GRIN2D: variants seen among roughly 807,000 people sequenced by gnomAD.
GRIN2D encodes the protein glutamate ionotropic receptor NMDA type subunit 2D.
Under a neutral mutation model 103.2 loss-of-function variants are expected in GRIN2D, and 37 were observed. The ratio of observed to expected loss-of-function variants is 0.36; its 90% CI spans 0.28 to 0.47. GRIN2D has a LOEUF of 0.47. Ranked by LOEUF, GRIN2D falls within the 20% of genes least tolerant of loss-of-function variation. The pLI is 1.00. For missense variants in GRIN2D, 1,557 were observed against 1,910.6 expected (o/e 0.81, Z 3.45); for synonymous variants, 845 against 885.6 (o/e 0.95, Z 0.81).
At position 48,405,378 on chromosome 19, in the gene GRIN2D, G is replaced by T; in HGVS notation, c.1085+25G>T. On this transcript the variant is annotated intron_variant, in intron 4 of 13. Coordinates refer to ENST00000263269, the MANE Select transcript of GRIN2D (RefSeq NM_000836.4). This position sits in a 1 kb window ranked among gnomAD's most constrained non-coding sequence, Gnocchi z 5.1. ...GGTGAGTGGGGCTGGAATGGGAGGG[G>T]TGTGGGAGGGCTCCCAGAGCCTAAC... The T allele has an allele frequency of 2.0e-6, 3 of 1,521,184 alleles. No individual in the cohort carries two copies. In the South Asian group the frequency reaches 3.8e-5, roughly 19 times the overall value. The allele number at this position is 1,521,184 out of a possible 1,614,324, so 94.2% of individuals were successfully genotyped here.
chr19:48,414,420 G>C lies in GRIN2D; in HGVS notation c.1248G>C (p.Trp416Cys). 1 of 1,610,236 alleles carries C rather than the reference G, an allele frequency of 6.2e-7. No homozygotes were observed. The highest frequency in any genetic ancestry group is 2.2e-5 in the East Asian group (1 of 44,776). The part of the protein sequence containing the change: ...QQTLRLKYPL[W>C]SRYGRFLQPV... ...CGCTCCGCCTCAAGTACCCGCTGTG[G>C]TCCCGCTATGGTCGCTTCCTGCAGC... The change falls in exon 6 of 14, where the codon TGG becomes TGC. Residue 416 changes from tryptophan (W) to cysteine (C), a missense_variant. Physicochemically the swap from Trp to Cys is radical, Grantham distance 215 (BLOSUM62 -2). Transcript: ENST00000263269. This position sits in a 1 kb window ranked among gnomAD's most constrained non-coding sequence, Gnocchi z 4.6.
At chr19:48,409,106 A>G (rs985828703) in intron 4 of GRIN2D, among the ~76,000 whole-genome samples, 6 of 151,996 alleles carry the variant, frequency 3.9e-5, no homozygotes, top group Non-Finnish European at 1.5e-5. Flanking sequence ...AAGGCATCAC[A>G]TGGTAGAAGG....
chr19:48,425,151 C>T (rs1457473191), intron 11 of GRIN2D, among the ~76,000 whole-genome samples: 1 of 151,776 alleles, frequency 6.6e-6, no homozygotes, highest in Non-Finnish European at 1.5e-5. Flanking sequence ...TCCTCTTTTA[C>T]CCCTTCAGGG....
chr19:48,442,140 C>T lies in GRIN2D; in HGVS notation c.2441-10C>T. On this transcript the variant is annotated splice_polypyrimidine_tract_variant and intron_variant, in intron 12 of 13. Coordinates refer to ENST00000263269, the MANE Select transcript of GRIN2D (RefSeq NM_000836.4). The surrounding 1 kb of genome is among the most constrained non-coding windows in gnomAD (Gnocchi z 7.2). The stretch of plus-strand genomic sequence containing the variant: ...CTCATAGCAGGTGACTTTTGACCGC[C>T]CCTCCCTAGATGAGATCGAGATGCT... The T allele has an allele frequency of 6.2e-7, 1 of 1,613,056 alleles. No homozygotes were observed. Among genetic ancestry groups the T allele is most frequent in the South Asian group, 1.1e-5 (1 of 91,068 alleles).
rs1971016066 is a variant in GRIN2D at position 48,421,009 on chromosome 19, C to A, written c.2092-776C>A. On this transcript the variant is annotated intron_variant, in intron 10 of 13. Coordinates refer to ENST00000263269, the MANE Select transcript of GRIN2D (RefSeq NM_000836.4). The surrounding 1 kb of genome is among the most constrained non-coding windows in gnomAD (Gnocchi z 4.8). ...CTTTGAGACTAAAGTGATTAACTAG[C>A]TGGGTGTCATGACCTATTAGAGGCT... 6.6e-6 allele frequency among the ~76,000 whole-genome samples: 1 copy of A among 152,192 alleles called. No homozygotes were observed. The highest frequency in any genetic ancestry group is 2.1e-4 in the South Asian group (1 of 4,832).
chr19:48,409,515 G>A (rs1970830083), intron 4 of GRIN2D, among the ~76,000 whole-genome samples: 1 of 152,068 alleles, frequency 6.6e-6, no homozygotes, highest in African/African-American at 2.4e-5. Context: ...GACCTCAGGT[G>A]ATCCACCCAC....
chr19:48,421,565 C>G lies in GRIN2D; in HGVS notation c.2092-220C>G, dbSNP rs1037711843. Among the ~76,000 whole-genome samples the G allele has an allele frequency of 3.3e-5, 5 of 152,210 alleles. No homozygotes were observed. The highest frequency in any genetic ancestry group is 1.2e-4 in the African/African-American group (5 of 41,454). ...TTAACACCTGGCACATCAGGGGCCT[C>G]AGGGAGGCTTCTCGTGAACTTTTGG... On this transcript the variant is annotated intron_variant, in intron 10 of 13. Transcript: ENST00000263269. The surrounding 1 kb of genome is among the most constrained non-coding windows in gnomAD (Gnocchi z 4.8).
At chr19:48,418,234 T>C (rs1028160627) in intron 8 of GRIN2D, among the ~76,000 whole-genome samples, 2 of 151,648 alleles carry the variant, frequency 1.3e-5, no homozygotes, top group East Asian at 2.0e-4. Context: ...GGTTTCACCA[T>C]GTTGGCCAGG....
chr19:48,424,527 C>T (rs988454615), intron 11 of GRIN2D, among the ~76,000 whole-genome samples: 2 of 151,980 alleles, frequency 1.3e-5, no homozygotes, highest in African/African-American at 4.8e-5. Flanking sequence ...GCCTCAGCCT[C>T]CCAAAGTGCT....
chr19:48,434,824 G>A (rs1444984069), intron 11 of GRIN2D, among the ~76,000 whole-genome samples: 1 of 151,670 alleles, frequency 6.6e-6, no homozygotes, highest in East Asian at 1.9e-4. Flanking sequence ...CAAGGAATCT[G>A]CTGGCCTCAG....
intron 11 of GRIN2D, 105 bp from the exon 12 acceptor site, chr19:48,441,664 G>A (rs1971292999): frequency 1.2e-6 from 1 of 867,396 alleles, no homozygotes; most frequent in Non-Finnish European, 1.8e-6. Flanking sequence ...CTCAGGGCCA[G>A]TTAGGATTTG....
chr19:48,443,200 G>T lies in GRIN2D; in HGVS notation c.3274G>T (p.Ala1092Ser). 2.5e-6 allele frequency: 3 copies of T among 1,197,248 alleles called. No homozygotes were observed. The highest frequency in any genetic ancestry group is 4.4e-5 in the Admixed American group (1 of 22,704). 74.2% of individuals were successfully genotyped at this position (1,197,248 alleles called of 1,614,324 possible). ...GGGCGCAGGCGGAGGAGCCCCGGCC[G>T]CTCCGCCCCCGTGCCGCGCCGCGCC... is the stretch of plus-strand genomic sequence containing the variant. ...TGGAGGGAPA[A>S]PPPCRAAPPP... The change falls in exon 14 of 14, where the codon GCT (alanine) becomes TCT (serine). Residue 1092 changes from alanine (A) to serine (S), a missense_variant. Ala to Ser is a moderately conservative substitution (Grantham distance 99). Around this residue, in one of 7 missense-constraint regions of GRIN2D, gnomAD observed 632 missense variants for 572.8 expected, o/e 1.10. Transcript: ENST00000263269. The surrounding 1 kb of genome is among the most constrained non-coding windows in gnomAD (Gnocchi z 8.9).
chr19:48,402,164 GAA>G (rs761256765), intron 3 of GRIN2D, among the ~76,000 whole-genome samples: 5,027 of 71,852 alleles, frequency 0.07, 144 homozygotes, highest in East Asian at 0.13. Context: ...AAGAAAGAAA[GAA>G]AGAGAGAAAA....
intron 3 of GRIN2D, among the ~76,000 whole-genome samples, chr19:48,403,646 A>T (rs1341831612): frequency 1.3e-5 from 2 of 152,080 alleles, no homozygotes; most frequent in African/African-American, 4.8e-5. Context: ...CTGGCTGAGG[A>T]AGAAGGGCCA....
intron 11 of GRIN2D, among the ~76,000 whole-genome samples, chr19:48,423,082 G>T (rs1301332736): frequency 6.6e-6 from 1 of 152,086 alleles, no homozygotes; most frequent in Non-Finnish European, 1.5e-5. Context: ...GTGGTGGCGG[G>T]CGCCTGTAAT....
intron 10 of GRIN2D, among the ~76,000 whole-genome samples, chr19:48,420,563 C>T (rs1238857242): frequency 6.6e-6 from 1 of 152,102 alleles, no homozygotes. Context: ...CGGTGGCTCA[C>T]GCCTGTAATC....
At chr19:48,429,666 T>A (rs1971132750) in intron 11 of GRIN2D, among the ~76,000 whole-genome samples, 1 of 152,058 alleles carries the variant, frequency 6.6e-6, no homozygotes. Flanking sequence ...CCCAAAGTGC[T>A]GGGATTACAG....
At chr19:48,418,151 A>T (rs547693904) in intron 8 of GRIN2D, among the ~76,000 whole-genome samples, 1 of 150,744 alleles carries the variant, frequency 6.6e-6, no homozygotes, top group African/African-American at 2.4e-5. Context: ...CTCCTGCCTC[A>T]GCCTACTGAG....
chr19:48,406,546 A>G (rs1233908680), intron 4 of GRIN2D, among the ~76,000 whole-genome samples: 4 of 152,234 alleles, frequency 2.6e-5, no homozygotes, highest in Non-Finnish European at 4.4e-5. Context: ...CTTGGGAATC[A>G]GGATCCCCGA....
Sources: gnomAD v4.1 joint callset for allele counts (sites outside exome capture counted in the v4.1 genomes callset) on GRCh38, gnomAD v4.1.1 for gene constraint, gnomAD v4.1.1 regional missense constraint, Gnocchi (gnomAD v3.1) non-coding constraint, MANE v1.5 for transcripts, NCBI Gene and HGNC (gene_info 2026-07-23, HGNC 2026-07-21) for gene names.